The following WDR4 variants were observed in gnomAD, a reference collection of about 807,000 sequenced individuals.
WDR4 encodes the protein WDR4 tRNA N7-guanosine methyltransferase non-catalytic subunit.
In WDR4, 47 loss-of-function variants were observed where a neutral mutation model predicts 48.6. The observed-to-expected ratio is 0.97, with a 90% CI of 0.77 to 1.23. The LOEUF is 1.23. WDR4 is among the 50% of genes most tolerant of loss of function. The pLI, the probability that WDR4 is intolerant of heterozygous loss-of-function variation, is 0.00. For missense variants in WDR4, 606 were observed against 551.6 expected (o/e 1.10, Z -0.99); for synonymous variants, 268 against 230.0 (o/e 1.17, Z -1.49).
At chr21:42,876,823 ATT>A (rs71332377) in intron 1 of WDR4, 56 bp from the exon 2 acceptor site, 160 of 1,346,430 alleles carry the variant, frequency 1.2e-4, no homozygotes, top group East Asian at 2.9e-4. Flanking sequence ...GAAATAACAA[ATT>A]TTTTTTTTTT....
At chr21:42,851,568 G>A (rs958128750) in intron 10 of WDR4, among the ~76,000 whole-genome samples, 2 of 152,200 alleles carry the variant, frequency 1.3e-5, no homozygotes, top group Non-Finnish European at 2.9e-5. Context: ...TCCATGCTGG[G>A]CTAATCCATC....
chr21:42,849,839 C>T lies in WDR4; in HGVS notation c.*210G>A, dbSNP rs764792292. 37 of 574,130 alleles carry T rather than the reference C, an allele frequency of 6.4e-5. No homozygotes were observed. Among genetic ancestry groups the T allele is most frequent in the Non-Finnish European group, 9.4e-5 (32 of 340,348 alleles). The allele number at this position is 574,130 out of a possible 1,614,324, so 35.6% of individuals were successfully genotyped here. A position where few individuals can be genotyped will look rare whatever the true frequency, so the allele number is the denominator to read the frequency against. On this transcript the variant is annotated 3_prime_UTR_variant, in exon 11 of 11. Transcript: ENST00000398208. ...CTTCCACTCCACTGGTCTGGCTTCCCTTCAACCAGAAAGGGGGCACAGGCA... is the reference window on the plus strand; with the variant it reads ...CTTCCACTCCACTGGTCTGGCTTCCTTTCAACCAGAAAGGGGGCACAGGCA...
At chr21:42,855,310 G>C (rs1034328683) in intron 7 of WDR4, among the ~76,000 whole-genome samples, 1 of 152,148 alleles carries the variant, frequency 6.6e-6, no homozygotes, top group African/African-American at 2.4e-5. Flanking sequence ...CCAAGGCCTG[G>C]GCTTTCAGGG....
chr21:42,857,674 A>G (rs1314596371), intron 6 of WDR4, among the ~76,000 whole-genome samples: 1 of 152,220 alleles, frequency 6.6e-6, no homozygotes, highest in Non-Finnish European at 1.5e-5. Context: ...AAAGAACTAA[A>G]GATTCAAAAT....
the WDR4 span, among the ~76,000 whole-genome samples, chr21:42,891,713 T>C: frequency 6.6e-6 from 1 of 151,688 alleles, no homozygotes; most frequent in Non-Finnish European, 1.5e-5. Context: ...ACCCCAGCAC[T>C]TTGGGAGGCC....
At chr21:42,852,139 T>G (rs1213588306) in intron 10 of WDR4, 116 bp downstream of exon 10, 1 of 1,085,794 alleles carries the variant, frequency 9.2e-7, no homozygotes, top group African/African-American at 1.6e-5. Flanking sequence ...ACACGCTTAC[T>G]CTCCCTCTTT....
intron 9 of WDR4, among the ~76,000 whole-genome samples, chr21:42,852,890 G>T (rs1395473960): frequency 6.6e-6 from 1 of 150,644 alleles, no homozygotes; most frequent in Non-Finnish European, 1.5e-5. Context: ...ACTCCAGCCT[G>T]GGCAACACGA....
chr21:42,853,006 C>T (rs573059023), intron 9 of WDR4, among the ~76,000 whole-genome samples: 11 of 152,174 alleles, frequency 7.2e-5, no homozygotes, highest in Non-Finnish European at 1.0e-4. Flanking sequence ...CCCTGTGAGA[C>T]GCAGGGCGGG....
the WDR4 span, among the ~76,000 whole-genome samples, chr21:42,890,619 G>A: frequency 6.6e-6 from 1 of 152,192 alleles, no homozygotes; most frequent in South Asian, 2.1e-4. Context: ...GATCTACAAA[G>A]AAAGGAATAT....
the WDR4 span, among the ~76,000 whole-genome samples, chr21:42,892,860 G>A: frequency 6.6e-6 from 1 of 152,336 alleles, no homozygotes; most frequent in South Asian, 2.1e-4. Flanking sequence ...CCGAGGTCCC[G>A]AGCTGAAGAG....
At position 42,879,501 on chromosome 21, in the gene WDR4, C is replaced by G. The variant is rs368548149; in HGVS notation, c.-6G>C. On this transcript the variant is annotated 5_prime_UTR_variant, in exon 1 of 11. Coordinates refer to ENST00000398208, the MANE Select transcript of WDR4 (RefSeq NM_018669.6). ...AGTCCCACAGAGCCCGCCATGTACC[C>G]GCCCGCCTCACCGCCATACACATGT... 2 of 1,612,964 alleles carry G rather than the reference C, an allele frequency of 1.2e-6. No homozygotes were observed. Among genetic ancestry groups the G allele is most frequent in the African/African-American group, 2.7e-5 (2 of 74,882 alleles).
upstream of WDR4, among the ~76,000 whole-genome samples, chr21:42,883,228 T>C (rs2146130650): frequency 6.8e-6 from 1 of 146,752 alleles, no homozygotes; most frequent in East Asian, 2.0e-4. Flanking sequence ...TGAGCCGAGA[T>C]TGCGCCACTG....
chr21:42,854,050 C>T (rs1252236751), intron 8 of WDR4, among the ~76,000 whole-genome samples: 1 of 152,234 alleles, frequency 6.6e-6, no homozygotes, highest in African/African-American at 2.4e-5. Context: ...TCCTCTCACA[C>T]CTGCGTACTT....
At chr21:42,861,115 G>T (rs1458023311) in intron 5 of WDR4, among the ~76,000 whole-genome samples, 2 of 152,026 alleles carry the variant, frequency 1.3e-5, no homozygotes, top group Admixed American at 6.6e-5. Flanking sequence ...ATCAAGACCA[G>T]CCTGGCCAAC....
downstream of WDR4, among the ~76,000 whole-genome samples, chr21:42,847,976 G>A (rs1448211384): frequency 1.3e-5 from 2 of 152,232 alleles, no homozygotes; most frequent in South Asian, 2.1e-4. Context: ...GTACAGGACA[G>A]TGGCCCAGCA....
intron 6 of WDR4, among the ~76,000 whole-genome samples, chr21:42,857,836 C>T (rs1427520646): frequency 1.3e-5 from 2 of 152,018 alleles, no homozygotes; most frequent in African/African-American, 2.4e-5. Context: ...TGGTGGCTCT[C>T]GCCTATAATC....
At chr21:42,855,870 T>G in intron 6 of WDR4, 90 bp from the exon 7 acceptor site, 1 of 1,011,918 alleles carries the variant, frequency 9.9e-7, no homozygotes, top group Non-Finnish European at 1.4e-6. Context: ...TGGTCGGGGT[T>G]CCACTCCGTG....
chr21:42,872,610 CAAAAAAAAAA>C (rs536689165), intron 3 of WDR4, among the ~76,000 whole-genome samples: 5 of 78,606 alleles, frequency 6.4e-5, no homozygotes, highest in African/African-American at 2.4e-4. Flanking sequence ...GACCCTTCTC[CAAAAAAAAAA>C]AAAAAAAAGA....
At chr21:42,853,042 G>A (rs970667873) in intron 9 of WDR4, among the ~76,000 whole-genome samples, 2 of 152,308 alleles carry the variant, frequency 1.3e-5, no homozygotes, top group East Asian at 3.9e-4. Context: ...GTTACCAGGA[G>A]CGATGCAGAC....
Sources: gnomAD v4.1 joint callset for allele counts (sites outside exome capture counted in the v4.1 genomes callset) on GRCh38, gnomAD v4.1.1 for gene constraint, MANE v1.5 for transcripts, NCBI Gene and HGNC (gene_info 2026-07-23, HGNC 2026-07-21) for gene names.